The following LANCL2 variants were observed in gnomAD, a reference collection of about 807,000 sequenced individuals.
The protein encoded by LANCL2 is LanC like glutathione S-transferase 2.
Under a neutral mutation model 56.9 loss-of-function variants are expected in LANCL2, and 33 were observed. The observed-to-expected ratio is 0.58, with a 90% CI of 0.44 to 0.78. The LOEUF (loss-of-function observed/expected upper bound fraction) is 0.78, where lower values mean the gene tolerates loss of function less well. Among genes scored for constraint, LANCL2 ranks in the 30% least tolerant of loss-of-function variants. LANCL2 has a pLI of 0.00. For synonymous variants in LANCL2, 233 were observed against 228.2 expected (o/e 1.02, Z -0.19); for missense variants, 562 against 580.2 (o/e 0.97, Z 0.32).
Position 55,431,232 on chromosome 7 carries a change from C to T in LANCL2, c.1265C>T (p.Ala422Val), listed in dbSNP as rs765755881. The change falls in exon 9 of 9, where the codon GCT becomes GTT. Residue 422 changes from alanine (A) to valine (V), a missense_variant. Coordinates refer to ENST00000254770, the MANE Select transcript of LANCL2 (RefSeq NM_018697.4). ...TCCTCATTTTACATTGCAGGCATGG[C>T]TGGCGCTATTCACTTTCTCTCTGAT... ...DRPYSLFEGM[A>V]GAIHFLSDVL... is the part of the protein sequence containing the mutation. The T allele has an allele frequency of 6.2e-7, 1 of 1,612,180 alleles. No homozygotes were observed. The highest frequency in any genetic ancestry group is 8.5e-7 in the Non-Finnish European group (1 of 1,178,982).
At chr7:55,367,602 G>T (rs939153747) in intron 1 of LANCL2, among the ~76,000 whole-genome samples, 3 of 152,176 alleles carry the variant, frequency 2.0e-5, no homozygotes, top group African/African-American at 7.2e-5. Flanking sequence ...GGTGGTGGAC[G>T]CCTGTTCAGC....
intron 3 of LANCL2, among the ~76,000 whole-genome samples, chr7:55,399,437 G>C (rs1008117958): frequency 6.6e-6 from 1 of 151,054 alleles, no homozygotes; most frequent in African/African-American, 2.4e-5. Flanking sequence ...TCCGCCTCCT[G>C]GGTTCAAGGG....
At chr7:55,393,615 C>T (rs1434399333) in intron 2 of LANCL2, among the ~76,000 whole-genome samples, 2 of 152,084 alleles carry the variant, frequency 1.3e-5, no homozygotes, top group Non-Finnish European at 2.9e-5. Flanking sequence ...ATGAACCAAA[C>T]ATGGGCCCTT....
intron 2 of LANCL2, among the ~76,000 whole-genome samples, chr7:55,393,224 T>C (rs1369785118): frequency 6.6e-6 from 1 of 152,200 alleles, no homozygotes; most frequent in East Asian, 1.9e-4. Flanking sequence ...TGCTGAATTC[T>C]TGTAGCTTAA....
chr7:55,366,187 G>C lies in LANCL2; in HGVS notation c.162G>C (p.Ala54=), dbSNP rs2272262. ...AEETGCVRPP[A]TTDEPGLPFH... ...AGACAGGCTGTGTTCGTCCCCCGGC[G>C]ACCACGGATGAGCCCGGCCTCCCTT... The change falls in exon 1 of 9, where the codon GCG becomes GCC. Residue 54 remains alanine (A), a synonymous_variant. Coordinates refer to ENST00000254770, the MANE Select transcript of LANCL2 (RefSeq NM_018697.4). The C allele has an allele frequency of 0.33, 513,236 of 1,542,174 alleles. 88,476 individuals are homozygous for C. The highest frequency in any genetic ancestry group is 0.42 in the African/African-American group (30,283 of 71,914).
chr7:55,405,957 C>T (rs181924063), intron 5 of LANCL2, among the ~76,000 whole-genome samples: 57 of 152,252 alleles, frequency 3.7e-4, no homozygotes, highest in Non-Finnish European at 4.4e-4. Flanking sequence ...TGGCTGTTGT[C>T]AGTGCAGAAC....
In LANCL2 at chr7:55,366,128, G is replaced by GCCGGGGCGCTGCTCGCCT. The variant is rs1789861398; in HGVS notation, c.108_125dup (p.Leu38_Ala43dup). On this transcript the variant is annotated inframe_insertion, in exon 1 of 9. Coordinates refer to ENST00000254770, the MANE Select transcript of LANCL2 (RefSeq NM_018697.4). ...CCCCTTCCCGGACTACGAGGCCGCC[G>GCCGGGGCGCTGCTCGCCT]CCGGGGCGCTGCTCGCCTCCGGAGC... 2.6e-6 allele frequency: 4 copies of GCCGGGGCGCTGCTCGCCT among 1,546,908 alleles called. No homozygotes were observed. The highest frequency in any genetic ancestry group is 3.5e-6 in the Non-Finnish European group (4 of 1,143,810).
chr7:55,404,463 C>T (rs1460355040), intron 5 of LANCL2, among the ~76,000 whole-genome samples: 1 of 152,168 alleles, frequency 6.6e-6, no homozygotes, highest in Non-Finnish European at 1.5e-5. Context: ...TATGTCTAAC[C>T]TACTGCCTCA....
chr7:55,397,288 C>T (rs1243115422), intron 2 of LANCL2: 1 of 151,856 alleles, frequency 6.6e-6, no homozygotes, highest in African/African-American at 2.4e-5. Flanking sequence ...TGGTGAAAAC[C>T]CGTCTCTACT....
Position 55,365,929 on chromosome 7 carries a change from GCT to G in LANCL2, c.-92_-91del. The G allele has an allele frequency of 1.0e-6, 1 of 977,512 alleles. No homozygotes were observed. Among genetic ancestry groups the G allele is most frequent in the Non-Finnish European group, 1.4e-6 (1 of 702,362 alleles). The allele number at this position is 977,512 out of a possible 1,614,324, so 60.6% of individuals were successfully genotyped here. On this transcript the variant is annotated 5_prime_UTR_variant, in exon 1 of 9. Transcript: ENST00000254770. ...CGCGGCCTCGCTCCTCCTAGAGGAC[GCT>G]CTCTGCGCGGGCCCTCGGAGGAGGC...
rs1225040878 is a variant in LANCL2, at chr7:55,433,543, A to C, written c.*2223A>C. On this transcript the variant is annotated 3_prime_UTR_variant, in exon 9 of 9. Transcript: ENST00000254770. ...AAGTCAGTTTAAGATAAGTGTTTGA[A>C]TCAGATTTCAGTACATCTCATTCAT... 6.6e-6 allele frequency: 1 copy of C among 152,234 alleles called. No homozygotes were observed. Among genetic ancestry groups the C allele is most frequent in the African/African-American group, 2.4e-5 (1 of 41,474 alleles). 9.4% of individuals were successfully genotyped at this position (152,234 alleles called of 1,614,324 possible). A position where few individuals can be genotyped will look rare whatever the true frequency, so the allele number is the denominator to read the frequency against.
intron 7 of LANCL2, among the ~76,000 whole-genome samples, chr7:55,426,796 C>T (rs1056096759): frequency 1.3e-5 from 2 of 152,150 alleles, no homozygotes; most frequent in Non-Finnish European, 2.9e-5. Context: ...GGCTGGAGCA[C>T]GGGGGATGGG....
At chr7:55,422,816 A>G (rs1157423014) in intron 6 of LANCL2, among the ~76,000 whole-genome samples, 1 of 152,206 alleles carries the variant, frequency 6.6e-6, no homozygotes, top group Non-Finnish European at 1.5e-5. Context: ...TGATGAGTAT[A>G]GTTCCCTTTT....
At position 55,428,380 on chromosome 7, in the gene LANCL2, A is replaced by G; in HGVS notation, c.1191A>G (p.Ala397=). Residue 397 remains alanine, a synonymous_variant, in exon 8 of 9, where the codon GCA becomes GCG. Transcript: ENST00000254770. ...AGAAATCCCTTTCTTTTCAGTTTGC[A>G]GAGTGGTGTCTAGATTACGGAGCAC... ...KKYLYRACKF[A]EWCLDYGAHG... is the part of the protein sequence containing the mutation. The G allele has an allele frequency of 5.6e-6, 9 of 1,613,930 alleles. No homozygotes were observed. Among genetic ancestry groups the G allele is most frequent in the Non-Finnish European group, 7.6e-6 (9 of 1,179,750 alleles).
At chr7:55,419,492 C>T (rs988790218) in intron 6 of LANCL2, among the ~76,000 whole-genome samples, 2 of 150,834 alleles carry the variant, frequency 1.3e-5, no homozygotes, top group Non-Finnish European at 3.0e-5. Context: ...ACCTCCGCCT[C>T]CCGGGTTCAG....
chr7:55,413,807 T>C (rs918318013), intron 6 of LANCL2, among the ~76,000 whole-genome samples: 1 of 152,250 alleles, frequency 6.6e-6, no homozygotes, highest in African/African-American at 2.4e-5. Context: ...TCTTTAAAAC[T>C]TAATTCTGTC....
At chr7:55,367,515 A>T (rs755420870) in intron 1 of LANCL2, among the ~76,000 whole-genome samples, 14 of 152,352 alleles carry the variant, frequency 9.2e-5, no homozygotes, top group Non-Finnish European at 1.9e-4. Context: ...GCTTGAGCCC[A>T]GCAGTTCGAG....
Position 55,408,495 on chromosome 7 carries a change from G to A in LANCL2, c.826-3412G>A, listed in dbSNP as rs566525645. ...AGCCTGGCCAACACAGTGAAACCCC[G>A]TCTCTACTAAAAAAATACAAAAAAT... On this transcript the variant is annotated intron_variant, in intron 5 of 8. Transcript: ENST00000254770. Among the ~76,000 whole-genome samples the A allele has an allele frequency of 1.3e-3, 196 of 152,074 alleles. 2 individuals carry two copies. The highest frequency in any genetic ancestry group is 4.6e-3 in the African/African-American group (192 of 41,458).
rs190668974 is a variant in LANCL2, at chr7:55,405,893, G to T, written c.825+4573G>T. ...TCTTTCAAGATTCTTAGGCAGTGGC[G>T]TGGTAGAGCCAGCATGGGGAGCTGC... On this transcript the variant is annotated intron_variant, in intron 5 of 8. Transcript: ENST00000254770. Among the ~76,000 whole-genome samples the T allele has an allele frequency of 1.0e-4, 4 of 39,364 alleles. No homozygotes were observed. In the South Asian group the frequency reaches 1.9e-3, roughly 19 times the overall value. 25.8% of individuals were successfully genotyped at this position (39,364 alleles called of 152,430 possible).
Sources: gnomAD v4.1 joint callset for allele counts (sites outside exome capture counted in the v4.1 genomes callset) on GRCh38, gnomAD v4.1.1 for gene constraint, MANE v1.5 for transcripts, NCBI Gene and HGNC (gene_info 2026-07-23, HGNC 2026-07-21) for gene names.